Variants in PRKCA observed in about 807,000 individuals in gnomAD.
The protein encoded by PRKCA is protein kinase C alpha type.
A neutral mutation model predicts 87.0 loss-of-function variants in PRKCA; 27 were observed. That is an observed-to-expected ratio of 0.31 (90% CI 0.23 to 0.43). The LOEUF is 0.43. Ranked by LOEUF, PRKCA falls within the 20% of genes least tolerant of loss-of-function variation. The pLI, the probability that PRKCA is intolerant of heterozygous loss-of-function variation, is 1.00. For synonymous variants in PRKCA, 329 were observed against 311.1 expected (o/e 1.06, Z -0.61); for missense variants, 518 against 852.3 (o/e 0.61, Z 4.88).
chr17:66,682,231 A>T lies in PRKCA; in HGVS notation c.530-4880A>T, dbSNP rs181100156. On this transcript the variant is annotated intron_variant, in intron 5 of 16. Coordinates refer to ENST00000413366, the MANE Select transcript of PRKCA (RefSeq NM_002737.3). ...GGGCTTTATCCAGAAATGACAGGTTACATGATCAGGAAATTATATAACCTT... is the reference window on the plus strand; with the variant it reads ...GGGCTTTATCCAGAAATGACAGGTTTCATGATCAGGAAATTATATAACCTT... Among the ~76,000 whole-genome samples, 917 of 152,356 alleles carry T rather than the reference A, an allele frequency of 6.0e-3. 8 individuals carry two copies. Among genetic ancestry groups the T allele is most frequent in the African/African-American group, 0.021 (875 of 41,576 alleles).
At chr17:66,308,736 TAAG>T (rs2143123145) in intron 2 of PRKCA, among the ~76,000 whole-genome samples, 1 of 152,312 alleles carries the variant, frequency 6.6e-6, no homozygotes, top group Non-Finnish European at 1.5e-5. Flanking sequence ...TGTTGTAACT[TAAG>T]AAGGATATGT....
chr17:66,340,846 A>G (rs1240880685), intron 2 of PRKCA, among the ~76,000 whole-genome samples: 1 of 152,192 alleles, frequency 6.6e-6, no homozygotes, highest in East Asian at 1.9e-4. Context: ...TTGAGAAGGT[A>G]GGGTAGCCAG....
intron 3 of PRKCA, among the ~76,000 whole-genome samples, chr17:66,574,439 T>C (rs1011450932): frequency 4.6e-5 from 7 of 152,152 alleles, no homozygotes; most frequent in Admixed American, 3.9e-4. Context: ...TTATGAAGAT[T>C]ACAATGTAAT....
At chr17:66,679,552 CAT>C (rs753027548) in intron 5 of PRKCA, among the ~76,000 whole-genome samples, 1 of 152,248 alleles carries the variant, frequency 6.6e-6, no homozygotes, top group Non-Finnish European at 1.5e-5. Context: ...AAAGCACAGA[CAT>C]AGCTGTGCAG....
intron 13 of PRKCA, among the ~76,000 whole-genome samples, chr17:66,753,251 T>C (rs547551146): frequency 1.3e-5 from 2 of 152,238 alleles, no homozygotes; most frequent in Admixed American, 6.5e-5. Context: ...CACAGCCTGC[T>C]CTCCGACCCC....
intron 13 of PRKCA, among the ~76,000 whole-genome samples, chr17:66,745,384 G>A (rs1035018555): frequency 7.2e-5 from 11 of 152,198 alleles, no homozygotes; most frequent in Non-Finnish European, 1.3e-4. Flanking sequence ...CCAGGCACAT[G>A]ATAAACTTTC....
At chr17:66,464,813 T>C (rs1381920243) in intron 2 of PRKCA, among the ~76,000 whole-genome samples, 9 of 152,206 alleles carry the variant, frequency 5.9e-5, no homozygotes, top group Admixed American at 2.0e-4. Flanking sequence ...GCCTATAATA[T>C]CTTCTGATTC....
At chr17:66,311,380 T>C (rs773752501) in intron 2 of PRKCA, among the ~76,000 whole-genome samples, 34 of 152,160 alleles carry the variant, frequency 2.2e-4, no homozygotes, top group Non-Finnish European at 4.4e-4. Flanking sequence ...CTTTGGAAGG[T>C]TGAGGCGGTC....
intron 3 of PRKCA, among the ~76,000 whole-genome samples, chr17:66,627,393 G>T (rs1303090210): frequency 6.6e-6 from 1 of 152,150 alleles, no homozygotes; most frequent in Non-Finnish European, 1.5e-5. Flanking sequence ...CACATTTAAC[G>T]CCACAAGGGA....
At chr17:66,635,634 A>G (rs114829483) in intron 3 of PRKCA, among the ~76,000 whole-genome samples, 1,869 of 152,330 alleles carry the variant, frequency 0.012, 46 homozygotes, top group African/African-American at 0.042. Flanking sequence ...TGAAGAAGTA[A>G]AAGATGTTCC....
intron 14 of PRKCA, among the ~76,000 whole-genome samples, chr17:66,781,883 A>AGTGTG (rs1300224706): frequency 7.0e-4 from 91 of 129,338 alleles, no homozygotes; most frequent in Middle Eastern, 4.0e-3. Context: ...ATATATATAT[A>AGTGTG]TATAGTGTGT....
intron 3 of PRKCA, among the ~76,000 whole-genome samples, chr17:66,528,970 T>C (rs1200165346): frequency 6.6e-6 from 1 of 152,208 alleles, no homozygotes; most frequent in Admixed American, 6.5e-5. Flanking sequence ...CCCAGCCAAA[T>C]TGTTCTCCAG....
chr17:66,658,496 AC>A (rs1234061875), intron 5 of PRKCA, among the ~76,000 whole-genome samples: 2 of 49,652 alleles, frequency 4.0e-5, no homozygotes, highest in African/African-American at 1.4e-4. Flanking sequence ...TTCAAAAACA[AC>A]AACAACAACA....
At chr17:66,394,589 T>C (rs555186077) in intron 2 of PRKCA, among the ~76,000 whole-genome samples, 1 of 152,182 alleles carries the variant, frequency 6.6e-6, no homozygotes, top group Non-Finnish European at 1.5e-5. Flanking sequence ...TCTGTAGTAT[T>C]GGGGCGGATG....
At chr17:66,732,481 G>A (rs1369773329) in intron 8 of PRKCA, among the ~76,000 whole-genome samples, 1 of 152,202 alleles carries the variant, frequency 6.6e-6, no homozygotes, top group Non-Finnish European at 1.5e-5. Context: ...AATAGGGAGA[G>A]CAGTTTTCTG....
chr17:66,509,488 G>C (rs1438890355), intron 3 of PRKCA, among the ~76,000 whole-genome samples: 2 of 152,142 alleles, frequency 1.3e-5, no homozygotes, highest in East Asian at 3.9e-4. Context: ...AGGCCTTCAG[G>C]CAAGAAGAAT....
intron 3 of PRKCA, among the ~76,000 whole-genome samples, chr17:66,620,493 G>C (rs1257002460): frequency 1.3e-5 from 2 of 152,184 alleles, no homozygotes; most frequent in East Asian, 3.8e-4. Flanking sequence ...CAGAGCTATG[G>C]CCTGTGGCTA....
intron 3 of PRKCA, among the ~76,000 whole-genome samples, chr17:66,548,003 C>T (rs1251898065): frequency 6.6e-6 from 1 of 152,154 alleles, no homozygotes; most frequent in East Asian, 1.9e-4. Context: ...TAGGCCTGTA[C>T]ACAGATCCCA....
At chr17:66,454,231 G>T (rs1914475125) in intron 2 of PRKCA, among the ~76,000 whole-genome samples, 1 of 152,212 alleles carries the variant, frequency 6.6e-6, no homozygotes, top group South Asian at 2.1e-4. Context: ...AGGCCCTGTG[G>T]ACTCCCTGGT....
Sources: allele counts gnomAD v4.1 joint callset (sites outside exome capture counted in the v4.1 genomes callset), GRCh38; gene constraint gnomAD v4.1.1; transcripts MANE v1.5; gene names NCBI Gene and HGNC (gene_info 2026-07-23, HGNC 2026-07-21).